PCDHGA3: variants seen among roughly 807,000 people sequenced by gnomAD.
The protein encoded by PCDHGA3 is protocadherin gamma subfamily A, 3.
In PCDHGA3, 40 loss-of-function variants were observed where a neutral mutation model predicts 58.5. The observed-to-expected ratio is 0.68, with a 90% CI of 0.53 to 0.89. The LOEUF is 0.89. PCDHGA3 is among the 40% of genes least tolerant of loss of function. The pLI is 0.00. For missense variants in PCDHGA3, 1,223 were observed against 1,195.9 expected (o/e 1.02, Z -0.33); for synonymous variants, 530 against 525.7 (o/e 1.01, Z -0.11).
chr5:141,352,078 G>C, intron 1 of PCDHGA3: 1 of 1,605,160 alleles, frequency 6.2e-7, no homozygotes, highest in Non-Finnish European at 8.5e-7. Context: ...ACGTGCTGCA[G>C]GCCAGCGAGC....
intron 1 of PCDHGA3, chr5:141,399,784 G>A: frequency 6.2e-7 from 1 of 1,613,288 alleles, no homozygotes; most frequent in Non-Finnish European, 8.5e-7. Context: ...CGACCGAAAC[G>A]ACAACGCACC....
intron 1 of PCDHGA3, among the ~76,000 whole-genome samples, chr5:141,368,537 T>C (rs1023071907): frequency 6.6e-6 from 1 of 152,224 alleles, no homozygotes; most frequent in Non-Finnish European, 1.5e-5. Context: ...AACTTGCTTT[T>C]CCATTTTTTT....
chr5:141,419,618 C>T (rs746617593), intron 1 of PCDHGA3: 3 of 1,612,326 alleles, frequency 1.9e-6, no homozygotes, highest in South Asian at 1.1e-5. Flanking sequence ...GCCAGGCTAC[C>T]TGGTGACCAA....
intron 1 of PCDHGA3, chr5:141,364,702 C>A: frequency 1.2e-6 from 2 of 1,613,920 alleles, no homozygotes; most frequent in Non-Finnish European, 1.7e-6. Flanking sequence ...TAGAAATAAT[C>A]GATATTAATG....
rs759731651 is a variant in PCDHGA3 at position 141,356,978 on chromosome 5, C to T, written c.2424+10521C>T. ...GGCTACCTGGTGACCAAAGTGGTGG[C>T]AGTGGACAGAGACTCAGGTCAGAAT... On this transcript the variant is annotated intron_variant, in intron 1 of 3. Coordinates refer to ENST00000253812, the MANE Select transcript of PCDHGA3 (RefSeq NM_018916.4). 3 of 1,614,228 alleles carry T rather than the reference C, an allele frequency of 1.9e-6. No homozygotes were observed. In the Admixed American group the frequency reaches 5.0e-5, roughly 27 times the overall value.
intron 1 of PCDHGA3, chr5:141,371,043 G>T: frequency 1.2e-6 from 2 of 1,613,966 alleles, no homozygotes; most frequent in Non-Finnish European, 1.7e-6. Flanking sequence ...AGCTGTGGAT[G>T]GGGGCGAGCC....
chr5:141,468,067 G>A (rs560511893), intron 1 of PCDHGA3, among the ~76,000 whole-genome samples: 34 of 152,032 alleles, frequency 2.2e-4, no homozygotes, highest in Non-Finnish European at 4.0e-4. Flanking sequence ...GCTCACACCT[G>A]TAATCCCAGC....
intron 1 of PCDHGA3, chr5:141,390,450 T>A: frequency 1.2e-6 from 1 of 822,586 alleles, no homozygotes; most frequent in Non-Finnish European, 1.9e-6. Context: ...AAAGGAGGAG[T>A]AAAGTAGGAG....
chr5:141,475,162 G>T (rs949339969), intron 1 of PCDHGA3, among the ~76,000 whole-genome samples: 2 of 152,034 alleles, frequency 1.3e-5, no homozygotes, highest in South Asian at 4.1e-4. Flanking sequence ...TTCTTCATTA[G>T]CAGTGCAACT....
rs1255326344 is a variant in PCDHGA3, at chr5:141,431,636, A to G, written c.2425-63171A>G. 6.2e-7 allele frequency: 1 copy of G among 1,614,254 alleles called. No homozygotes were observed. ...GGACGACAAGGCGGCCCAAGTTTTC[A>G]AACTAGATTGTAATTCAGGGACAAT... On this transcript the variant is annotated intron_variant, in intron 1 of 3. Transcript: ENST00000253812. This position sits in a 1 kb window ranked among gnomAD's most constrained non-coding sequence, Gnocchi z 4.8.
chr5:141,477,287 G>T lies in PCDHGA3; in HGVS notation c.2425-17520G>T. ...CGAGAACGGGCTGGTGACCTGCGAA[G>T]TTCCACCGGGTCTCCCTTTCAGCCT... On this transcript the variant is annotated intron_variant, in intron 1 of 3. Coordinates refer to ENST00000253812, the MANE Select transcript of PCDHGA3 (RefSeq NM_018916.4). The surrounding 1 kb of genome is among the most constrained non-coding windows in gnomAD (Gnocchi z 4.9). The T allele has an allele frequency of 6.2e-7, 1 of 1,614,190 alleles. No homozygotes were observed.
rs183968443 is a variant in PCDHGA3 at position 141,495,033 on chromosome 5, G to A, written c.2483+168G>A. On this transcript the variant is annotated intron_variant, in intron 2 of 3. Coordinates refer to ENST00000253812, the MANE Select transcript of PCDHGA3 (RefSeq NM_018916.4). ...GGGGCTGGCACACAGACCCCGGAAG[G>A]AAGAGGCGACTGCCCTGACTGTTCA... is the stretch of plus-strand genomic sequence containing the variant. 1.4e-3 allele frequency: 1,380 copies of A among 968,234 alleles called. 4 individuals are homozygous for A. Among genetic ancestry groups the A allele is most frequent in the Middle Eastern group, 5.3e-3 (10 of 1,888 alleles). 60.0% of individuals were successfully genotyped at this position (968,234 alleles called of 1,614,324 possible).
intron 1 of PCDHGA3, among the ~76,000 whole-genome samples, chr5:141,436,350 C>T (rs1034303123): frequency 5.9e-5 from 9 of 152,126 alleles, no homozygotes; most frequent in Non-Finnish European, 1.3e-4. Flanking sequence ...TCAGTGACTT[C>T]AATCAACTAT....
chr5:141,359,918 T>C (rs1383987638), intron 1 of PCDHGA3: 2 of 439,790 alleles, frequency 4.5e-6, no homozygotes, highest in African/African-American at 2.0e-5. Flanking sequence ...TGCAGTTTCC[T>C]GAGAAAACCT....
chr5:141,419,007 GGT>G (rs1181124538), intron 1 of PCDHGA3: 1 of 1,613,978 alleles, frequency 6.2e-7, no homozygotes, highest in South Asian at 1.1e-5. Flanking sequence ...GGGGAAGTCA[GGT>G]GTAGCTTAAG....
At position 141,485,791 on chromosome 5, in the gene PCDHGA3, G is replaced by A; in HGVS notation, c.2425-9016G>A. The A allele has an allele frequency of 6.2e-7, 1 of 1,614,196 alleles. No homozygotes were observed. The highest frequency in any genetic ancestry group is 8.5e-7 in the Non-Finnish European group (1 of 1,180,032). ...AGCCTTTGGATCGAGAGAAGCAATC[G>A]GACTACCGCCTGGTGCTGACTGCTG... On this transcript the variant is annotated intron_variant, in intron 1 of 3. Transcript: ENST00000253812. The surrounding 1 kb of genome is among the most constrained non-coding windows in gnomAD (Gnocchi z 5.7).
intron 3 of PCDHGA3, among the ~76,000 whole-genome samples, chr5:141,509,398 G>A (rs1218925417): frequency 6.6e-6 from 1 of 152,106 alleles, no homozygotes; most frequent in Admixed American, 6.5e-5. Context: ...GGATCTCAGG[G>A]CCTCCAGCAG....
intron 1 of PCDHGA3, among the ~76,000 whole-genome samples, chr5:141,438,647 CACACAT>C (rs1324641788): frequency 3.8e-5 from 4 of 106,486 alleles, no homozygotes; most frequent in South Asian, 2.8e-4. Flanking sequence ...CACACACACA[CACACAT>C]ATATGTATAT....
At chr5:141,460,438 T>A (rs1035541143) in intron 1 of PCDHGA3, among the ~76,000 whole-genome samples, 16 of 152,172 alleles carry the variant, frequency 1.1e-4, no homozygotes, top group African/African-American at 3.1e-4. Flanking sequence ...TGGTGTGAGG[T>A]AACAATGAAG....
Sources: gnomAD v4.1 joint callset for allele counts (sites outside exome capture counted in the v4.1 genomes callset) on GRCh38, gnomAD v4.1.1 for gene constraint, Gnocchi (gnomAD v3.1) non-coding constraint, MANE v1.5 for transcripts, NCBI Gene and HGNC (gene_info 2026-07-23, HGNC 2026-07-21) for gene names.